The following CADPS variants were observed in gnomAD, a reference collection of about 807,000 sequenced individuals.
CADPS encodes calcium-dependent secretion activator 1.
CADPS carries 57 observed loss-of-function variants against 167.3 expected under a neutral mutation model. That is an observed-to-expected ratio of 0.34 (90% CI 0.28 to 0.42). The LOEUF is 0.42. CADPS is among the 20% of genes least tolerant of loss of function. The pLI, the probability that CADPS is intolerant of heterozygous loss-of-function variation, is 1.00. For missense variants in CADPS, 1,414 were observed against 1,738.1 expected, an observed-to-expected ratio of 0.81 and a Z score of 3.32; for synonymous variants, 676 against 635.3, an observed-to-expected ratio of 1.06 and a Z score of -0.96.
intron 4 of CADPS, among the ~76,000 whole-genome samples, chr3:62,657,296 G>A (rs2150358382): frequency 6.6e-6 from 1 of 152,218 alleles, no homozygotes; most frequent in Admixed American, 6.5e-5. Flanking sequence ...TATTTAAAAC[G>A]ACGGCTTGAA....
chr3:62,427,342 T>C (rs1352344878), intron 28 of CADPS, among the ~76,000 whole-genome samples: 1 of 152,188 alleles, frequency 6.6e-6, no homozygotes, highest in East Asian at 1.9e-4. Flanking sequence ...TAGAATATCC[T>C]TTAGAGACAG....
intron 17 of CADPS, among the ~76,000 whole-genome samples, chr3:62,511,947 G>C (rs1216678851): frequency 6.6e-6 from 1 of 152,138 alleles, no homozygotes; most frequent in African/African-American, 2.4e-5. Context: ...CTACCAGAGA[G>C]AAAGGTTCAT....
At chr3:62,702,275 C>T (rs955445428) in intron 3 of CADPS, among the ~76,000 whole-genome samples, 2 of 152,130 alleles carry the variant, frequency 1.3e-5, no homozygotes, top group Non-Finnish European at 2.9e-5. Context: ...TGCATGCAAA[C>T]ATTTGAATGC....
chr3:62,545,517 A>T lies in CADPS; in HGVS notation c.1966+4386T>A, dbSNP rs541007990. ...AAAAATTAAATCAACAATGACACAC[A>T]CAAAAAAACTACAAAAGAACAAAAA... is the stretch of plus-strand genomic sequence containing the variant. On this transcript the variant is annotated intron_variant, in intron 11 of 29. Transcript: ENST00000383710. Among the ~76,000 whole-genome samples the T allele has an allele frequency of 2.0e-5, 3 of 152,296 alleles. No individual in the cohort carries two copies. In the South Asian group the frequency reaches 6.2e-4, roughly 32 times the overall value.
intron 3 of CADPS, among the ~76,000 whole-genome samples, chr3:62,750,118 G>A (rs767838372): frequency 1.6e-4 from 25 of 152,114 alleles, no homozygotes; most frequent in South Asian, 6.2e-4. Context: ...TTGGGAGGCC[G>A]AGGTGGGTGG....
In CADPS at chr3:62,636,685, G is replaced by A. The variant is rs150262840; in HGVS notation, c.1325+9037C>T. On this transcript the variant is annotated intron_variant, in intron 6 of 29. Transcript: ENST00000383710. The stretch of plus-strand genomic sequence containing the variant: ...ACACATAGAAAGTATTATCTTAGCT[G>A]CACTCTAGCCTCTGGAACAATGGCC... Among the ~76,000 whole-genome samples the A allele has an allele frequency of 4.6e-3, 700 of 152,292 alleles. 8 individuals carry two copies. Among genetic ancestry groups the A allele is most frequent in the African/African-American group, 0.013 (526 of 41,566 alleles).
At position 62,650,892 on chromosome 3, in the gene CADPS, C is replaced by G; in HGVS notation, c.1158G>C (p.Glu386Asp). 6.2e-7 allele frequency: 1 copy of G among 1,614,032 alleles called. No homozygotes were observed. The highest frequency in any genetic ancestry group is 8.5e-7 in the Non-Finnish European group (1 of 1,179,966). ...ASIIDMGEES[E>D]NQLSKSDVVL... is the part of the protein sequence containing the mutation. ...CGACATCTGACTTGGAGAGCTGGTT[C>G]TCACTCTCCTCGCCCATGTCGATGA... Residue 386 changes from glutamate (E) to aspartate (D), a missense_variant, in exon 5 of 30, where the codon GAG (glutamate) becomes GAC (aspartate). Physicochemically the swap from Glu to Asp is conservative, Grantham distance 45 (BLOSUM62 2). Around this residue, in one of 6 missense-constraint regions of CADPS, gnomAD observed 522 missense variants for 559.5 expected, o/e 0.93. Coordinates refer to ENST00000383710, the MANE Select transcript of CADPS (RefSeq NM_003716.4).
chr3:62,700,000 C>T (rs2151511014), intron 3 of CADPS, among the ~76,000 whole-genome samples: 1 of 152,226 alleles, frequency 6.6e-6, no homozygotes, highest in East Asian at 1.9e-4. Context: ...TCACTAATTG[C>T]TCCTTTACAG....
At chr3:62,799,630 C>A (rs115204539) in intron 1 of CADPS, among the ~76,000 whole-genome samples, 3,026 of 152,156 alleles carry the variant, frequency 0.02, 53 homozygotes, top group East Asian at 0.088. Context: ...GTGTATGTGA[C>A]CCTGGGGCAG....
rs765447115 is a variant in CADPS, at chr3:62,516,552, G to A, written c.2457+28C>T. 19 of 1,512,136 alleles carry A rather than the reference G, an allele frequency of 1.3e-5. No individual in the cohort carries two copies. The South Asian group carries it at 2.3e-4, about 18-fold the overall frequency. 93.7% of individuals were successfully genotyped at this position (1,512,136 alleles called of 1,614,324 possible). ...TATGCTTATGTCTTTTTATATATAT[G>A]TGATCTATCTTTTACTTTCATTCTT... On this transcript the variant is annotated intron_variant, in intron 15 of 29. Transcript: ENST00000383710.
rs781010650 is a variant in CADPS at position 62,516,156 on chromosome 3, T to G, written c.2484A>C (p.Pro828=). ...CTGTTTTTACCTCCTCTTGTGGCACTGGGGTAACAATATCTTTCATCAAAA... is the reference window on the plus strand; with the variant it reads ...CTGTTTTTACCTCCTCTTGTGGCACGGGGGTAACAATATCTTTCATCAAAA... ...ERVLMKDIVT[P]VPQEEVKTVI... is the part of the protein sequence containing the mutation. Residue 828 remains proline, a synonymous_variant, in exon 16 of 30, where the codon CCA becomes CCC. Transcript: ENST00000383710. 1.9e-6 allele frequency: 3 copies of G among 1,613,078 alleles called. No individual in the cohort carries two copies. In the Admixed American group the frequency reaches 5.0e-5, roughly 27 times the overall value.
At chr3:62,638,188 C>T (rs2066708204) in intron 6 of CADPS, among the ~76,000 whole-genome samples, 4 of 151,782 alleles carry the variant, frequency 2.6e-5, no homozygotes. Flanking sequence ...GAAATAGGAA[C>T]GCAGTGCTCT....
chr3:62,651,196 C>A, intron 4 of CADPS, 116 bp from the exon 5 acceptor site: 1 of 709,248 alleles, frequency 1.4e-6, no homozygotes, highest in Middle Eastern at 2.6e-4. Flanking sequence ...TGAAATTCAC[C>A]CAGATCTCAT....
intron 18 of CADPS, among the ~76,000 whole-genome samples, chr3:62,496,756 T>G (rs141878686): frequency 8.5e-5 from 13 of 152,318 alleles, no homozygotes; most frequent in Non-Finnish European, 1.8e-4. Context: ...CTGGACACCC[T>G]GCGTTCTATT....
At chr3:62,643,753 C>T (rs1036848564) in intron 6 of CADPS, among the ~76,000 whole-genome samples, 3 of 152,150 alleles carry the variant, frequency 2.0e-5, no homozygotes, top group South Asian at 4.1e-4. Context: ...AATCTTATAA[C>T]GCCATATTGG....
Position 62,632,563 on chromosome 3 carries a change from C to T in CADPS, c.1325+13159G>A, listed in dbSNP as rs113594809. Among the ~76,000 whole-genome samples the T allele has an allele frequency of 4.3e-4, 65 of 152,132 alleles. 1 individual carries two copies. In the East Asian group the frequency reaches 7.7e-3, roughly 18 times the overall value. On this transcript the variant is annotated intron_variant, in intron 6 of 29. Coordinates refer to ENST00000383710, the MANE Select transcript of CADPS (RefSeq NM_003716.4). ...TATTTACATGTAATTAAACATTATCCTCATGAAAGACTTCAAGTACCCAAC... is the reference window on the plus strand; with the variant it reads ...TATTTACATGTAATTAAACATTATCTTCATGAAAGACTTCAAGTACCCAAC...
intron 21 of CADPS, among the ~76,000 whole-genome samples, chr3:62,483,451 TCTA>T (rs2062324955): frequency 6.6e-6 from 1 of 152,064 alleles, no homozygotes; most frequent in Non-Finnish European, 1.5e-5. Context: ...CCTGTCTCCC[TCTA>T]GAAACAGATT....
At chr3:62,518,104 C>A in intron 14 of CADPS, 45 bp downstream of exon 14, 1 of 1,327,460 alleles carries the variant, frequency 7.5e-7, no homozygotes, top group South Asian at 1.2e-5. Context: ...TTTTCCCTTC[C>A]CACTCTCATC....
intron 13 of CADPS, among the ~76,000 whole-genome samples, chr3:62,520,315 A>T (rs1218982679): frequency 6.6e-6 from 1 of 152,212 alleles, no homozygotes; most frequent in African/African-American, 2.4e-5. Flanking sequence ...CATTTAGTGT[A>T]TGCTTGGCCT....
Sources: allele counts gnomAD v4.1 joint callset (sites outside exome capture counted in the v4.1 genomes callset), GRCh38; gene constraint gnomAD v4.1.1; regional missense constraint gnomAD v4.1.1; transcripts MANE v1.5; gene names NCBI Gene and HGNC (gene_info 2026-07-23, HGNC 2026-07-21).